SAMMSON: variants seen among roughly 807,000 people sequenced by gnomAD.
The protein encoded by SAMMSON is survival associated mitochondrial melanoma specific oncogenic non-coding RNA, also known as long intergenic non-protein coding RNA 1212.
intron 4 of SAMMSON, among the ~76,000 whole-genome samples, chr3:70,236,092 C>A (rs1701605924): frequency 6.6e-6 from 1 of 152,204 alleles, no homozygotes; most frequent in South Asian, 2.1e-4. Flanking sequence ...TAGCTCTCTT[C>A]ACTCTTTCCC....
At chr3:70,279,471 C>T (rs180859850) in intron 6 of SAMMSON, among the ~76,000 whole-genome samples, 2 of 152,216 alleles carry the variant, frequency 1.3e-5, no homozygotes, top group East Asian at 3.9e-4. Flanking sequence ...CTCTTCATCC[C>T]CTGTACCACA....
At chr3:70,170,579 C>CTTTTTTTTGTT (rs1700935157) in intron 4 of SAMMSON, among the ~76,000 whole-genome samples, 1 of 105,496 alleles carries the variant, frequency 9.5e-6, no homozygotes, top group African/African-American at 3.6e-5. Context: ...CTAGATTTTC[C>CTTTTTTTTGTT]TTTTTTTTTT....
At chr3:70,245,671 T>TTTTA (rs1553648277) in intron 4 of SAMMSON, among the ~76,000 whole-genome samples, 1 of 57,238 alleles carries the variant, frequency 1.7e-5, no homozygotes, top group East Asian at 7.1e-4. Context: ...GCAAACTGCT[T>TTTTA]TATATATATA....
chr3:70,301,503 G>A (rs1024361439), intron 7 of SAMMSON, among the ~76,000 whole-genome samples: 12 of 152,022 alleles, frequency 7.9e-5, no homozygotes, highest in African/African-American at 2.9e-4. Flanking sequence ...GAATCTCTGT[G>A]TATTCCTTGT....
chr3:70,276,750 C>T (rs1367677504), intron 6 of SAMMSON, among the ~76,000 whole-genome samples: 2 of 152,158 alleles, frequency 1.3e-5, no homozygotes, highest in Admixed American at 6.5e-5. Flanking sequence ...TCTGTGTTTT[C>T]ACACTATAAT....
chr3:70,031,329 A>T (rs2067065423), intron 3 of SAMMSON, among the ~76,000 whole-genome samples: 1 of 152,174 alleles, frequency 6.6e-6, no homozygotes, highest in African/African-American at 2.4e-5. Flanking sequence ...TGAGGTACCT[A>T]TAATAGGTAA....
At chr3:70,355,738 A>G (rs556329012) in intron 8 of SAMMSON, among the ~76,000 whole-genome samples, 1 of 152,306 alleles carries the variant, frequency 6.6e-6, no homozygotes, top group South Asian at 2.1e-4. Context: ...GACATACTCT[A>G]CAGATTAAAA....
chr3:70,230,495 G>T (rs1308914420), intron 4 of SAMMSON, among the ~76,000 whole-genome samples: 1 of 46,426 alleles, frequency 2.2e-5, no homozygotes, highest in Non-Finnish European at 7.0e-5. Flanking sequence ...AATTCGAGAT[G>T]AATCATATAT....
chr3:70,183,354 C>T (rs1290765585), intron 4 of SAMMSON: 1 of 152,082 alleles, frequency 6.6e-6, no homozygotes, highest in Non-Finnish European at 1.5e-5. Context: ...CTCAGTGGCT[C>T]GTGTGGAATG....
chr3:70,355,535 G>C (rs1384766090), intron 8 of SAMMSON, among the ~76,000 whole-genome samples: 1 of 152,024 alleles, frequency 6.6e-6, no homozygotes, highest in Non-Finnish European at 1.5e-5. Flanking sequence ...AAAGAAATCA[G>C]TTTTAAAATT....
At chr3:70,433,424 T>C (rs1701431933) in intron 2 of SAMMSON, among the ~76,000 whole-genome samples, 2 of 152,174 alleles carry the variant, frequency 1.3e-5, no homozygotes, top group African/African-American at 4.8e-5. Flanking sequence ...GAGTAATATT[T>C]CATATGCTTT....
At chr3:70,259,754 G>A (rs1701848216) in intron 6 of SAMMSON, among the ~76,000 whole-genome samples, 1 of 152,268 alleles carries the variant, frequency 6.6e-6, no homozygotes, top group South Asian at 2.1e-4. Context: ...GTATTAGTCT[G>A]TTTTCATACC....
rs567819744 is a variant in SAMMSON, at chr3:70,384,344, G to T, written n.914-5230G>T. On this transcript the variant is annotated intron_variant and non_coding_transcript_variant, in intron 9 of 9. Transcript: ENST00000642114. ...CCTGAAAAAGAAAATCAAATGATAGGAAGGCATCAAAGCCTGTATGCAGTC... is the reference window on the plus strand; with the variant it reads ...CCTGAAAAAGAAAATCAAATGATAGTAAGGCATCAAAGCCTGTATGCAGTC... Among the ~76,000 whole-genome samples, 3 of 152,020 alleles carry T rather than the reference G, an allele frequency of 2.0e-5. No homozygotes were observed. The East Asian group carries it at 5.8e-4, about 29-fold the overall frequency.
intron 4 of SAMMSON, among the ~76,000 whole-genome samples, chr3:70,213,441 C>A (rs991299226): frequency 6.6e-6 from 1 of 152,042 alleles, no homozygotes; most frequent in Non-Finnish European, 1.5e-5. Flanking sequence ...AACGTATAGA[C>A]CATTTTTTAA....
chr3:70,219,934 T>G (rs1301879461), intron 4 of SAMMSON, among the ~76,000 whole-genome samples: 1 of 152,150 alleles, frequency 6.6e-6, no homozygotes, highest in Non-Finnish European at 1.5e-5. Flanking sequence ...CTGCGATGTA[T>G]TTCCTGAGCA....
intron 3 of SAMMSON, among the ~76,000 whole-genome samples, chr3:70,035,264 C>A (rs1030067834): frequency 6.6e-5 from 10 of 152,112 alleles, no homozygotes; most frequent in Non-Finnish European, 1.0e-4. Flanking sequence ...CATGTGTCCC[C>A]CAGCCCCTTC....
At chr3:70,030,579 T>C (rs1273910694) in intron 3 of SAMMSON, 1 of 152,328 alleles carries the variant, frequency 6.6e-6, no homozygotes, top group Admixed American at 6.5e-5. Context: ...TGGCCTCATT[T>C]TTCAAATAAG....
At chr3:70,244,439 T>A (rs903483059) in intron 4 of SAMMSON, among the ~76,000 whole-genome samples, 1 of 152,188 alleles carries the variant, frequency 6.6e-6, no homozygotes, top group Non-Finnish European at 1.5e-5. Context: ...TAAAATAACA[T>A]GTAAAGGAAC....
At chr3:70,236,323 C>T (rs1701608643) in intron 4 of SAMMSON, among the ~76,000 whole-genome samples, 1 of 152,108 alleles carries the variant, frequency 6.6e-6, no homozygotes, top group Non-Finnish European at 1.5e-5. Flanking sequence ...TGATTATCTC[C>T]CCTTAATCCA....
Sources: allele counts gnomAD v4.1 joint callset (sites outside exome capture counted in the v4.1 genomes callset), GRCh38; gene constraint gnomAD v4.1.1; transcripts MANE v1.5; gene names NCBI Gene and HGNC (gene_info 2026-07-23, HGNC 2026-07-21).